The following RABGAP1L variants were observed in gnomAD, a reference collection of about 807,000 sequenced individuals.
The protein encoded by RABGAP1L is RAB GTPase activating protein 1 like.
RABGAP1L carries 63 observed loss-of-function variants against 137.7 expected under a neutral mutation model. The observed-to-expected ratio is 0.46, with a 90% CI of 0.37 to 0.56. The LOEUF (loss-of-function observed/expected upper bound fraction) is 0.56. Ranked by LOEUF, RABGAP1L falls within the 20% of genes least tolerant of loss-of-function variation. RABGAP1L has a pLI of 0.00. For missense variants in RABGAP1L, 1,095 were observed against 1,244.0 expected (o/e 0.88, Z 1.80); for synonymous variants, 431 against 433.7 (o/e 0.99, Z 0.08).
At chr1:174,835,332 A>C (rs1050714135) in intron 19 of RABGAP1L, among the ~76,000 whole-genome samples, 1 of 152,190 alleles carries the variant, frequency 6.6e-6, no homozygotes, top group Non-Finnish European at 1.5e-5. Context: ...AGAGGTTTTT[A>C]AAATATTCTT....
chr1:174,905,832 CAG>C (rs1474229993), intron 19 of RABGAP1L, among the ~76,000 whole-genome samples: 1 of 151,218 alleles, frequency 6.6e-6, no homozygotes, highest in East Asian at 1.9e-4. Flanking sequence ...GCCTGGGTAA[CAG>C]AGTGAGACTC....
chr1:174,705,377 C>T (rs1185263338), intron 17 of RABGAP1L: 2 of 152,074 alleles, frequency 1.3e-5, no homozygotes, highest in Non-Finnish European at 2.9e-5. Flanking sequence ...AACATTTGTG[C>T]TACAGAAAAG....
chr1:174,263,109 C>G (rs1034720669), intron 7 of RABGAP1L, among the ~76,000 whole-genome samples: 1 of 152,216 alleles, frequency 6.6e-6, no homozygotes, highest in African/African-American at 2.4e-5. Context: ...CTGTGTGCCC[C>G]AGGCCTCGTA....
At chr1:174,353,027 C>T (rs139266221) in intron 11 of RABGAP1L, among the ~76,000 whole-genome samples, 2 of 152,284 alleles carry the variant, frequency 1.3e-5, no homozygotes, top group African/African-American at 4.8e-5. Flanking sequence ...TTTATCAGAC[C>T]TGAAGCCAGC....
intron 11 of RABGAP1L, among the ~76,000 whole-genome samples, chr1:174,354,802 T>C (rs999365568): frequency 6.6e-6 from 1 of 152,232 alleles, no homozygotes; most frequent in Admixed American, 6.5e-5. Context: ...AGGTCTAACA[T>C]GTAAGTCTTT....
chr1:174,486,519 C>T (rs1314112759), intron 13 of RABGAP1L, among the ~76,000 whole-genome samples: 1 of 151,418 alleles, frequency 6.6e-6, no homozygotes, highest in Admixed American at 6.6e-5. Context: ...GCTAATTTTT[C>T]GTATTTTTAG....
chr1:174,972,614 A>G (rs1224934633), intron 21 of RABGAP1L, among the ~76,000 whole-genome samples: 1 of 152,034 alleles, frequency 6.6e-6, no homozygotes, highest in Non-Finnish European at 1.5e-5. Flanking sequence ...GCACTTTGGG[A>G]GGCCGAGGCA....
chr1:174,450,393 T>C (rs1249663413), intron 13 of RABGAP1L, among the ~76,000 whole-genome samples: 3 of 152,200 alleles, frequency 2.0e-5, no homozygotes, highest in Admixed American at 1.3e-4. Flanking sequence ...CCTAACGTTT[T>C]CTTAGCAAAA....
intron 14 of RABGAP1L, among the ~76,000 whole-genome samples, chr1:174,679,861 G>A (rs467437): frequency 0.37 from 56,099 of 152,040 alleles, 13,567 homozygotes; most frequent in African/African-American, 0.69. Flanking sequence ...AAGGAATCTA[G>A]AATAAACTCT....
intron 14 of RABGAP1L, among the ~76,000 whole-genome samples, chr1:174,657,697 T>A (rs547701963): frequency 6.6e-6 from 1 of 152,196 alleles, no homozygotes; most frequent in Non-Finnish European, 1.5e-5. Flanking sequence ...CTGCAGTGAA[T>A]AAAGGAGTGC....
chr1:174,285,827 T>TGAATCTATTGAGATTCA (rs1252400654), intron 10 of RABGAP1L, among the ~76,000 whole-genome samples: 1 of 152,204 alleles, frequency 6.6e-6, no homozygotes, highest in Non-Finnish European at 1.5e-5. Flanking sequence ...TGTCTTTTTC[T>TGAATCTATTGAGATTCA]GAATCTATTG....
intron 18 of RABGAP1L, among the ~76,000 whole-genome samples, chr1:174,798,534 A>T (rs987092497): frequency 2.0e-5 from 3 of 152,182 alleles, no homozygotes; most frequent in Non-Finnish European, 2.9e-5. Context: ...TTTTTCTGAG[A>T]TTTTGGAAAA....
At chr1:174,183,756 C>T (rs547589315) in intron 1 of RABGAP1L, among the ~76,000 whole-genome samples, 2 of 152,198 alleles carry the variant, frequency 1.3e-5, no homozygotes, top group African/African-American at 4.8e-5. Flanking sequence ...AAAATCCTGT[C>T]TTCAGCCTAT....
chr1:174,611,786 G>A (rs1042440100), intron 13 of RABGAP1L, among the ~76,000 whole-genome samples: 2 of 152,102 alleles, frequency 1.3e-5, no homozygotes, highest in Non-Finnish European at 2.9e-5. Flanking sequence ...CTTTTAAGTT[G>A]GATTCCCAGG....
At chr1:174,563,878 T>A (rs192905303) in intron 13 of RABGAP1L, among the ~76,000 whole-genome samples, 15 of 152,282 alleles carry the variant, frequency 9.9e-5, no homozygotes, top group African/African-American at 3.4e-4. Flanking sequence ...AGCCAGAGAT[T>A]AAAGTCACAG....
intron 18 of RABGAP1L, among the ~76,000 whole-genome samples, chr1:174,789,069 A>G (rs1687664477): frequency 6.6e-6 from 1 of 152,130 alleles, no homozygotes; most frequent in South Asian, 2.1e-4. Flanking sequence ...GTTACATAAC[A>G]TGTATTATCC....
chr1:174,386,530 G>A (rs1686795875), intron 12 of RABGAP1L, among the ~76,000 whole-genome samples: 2 of 150,408 alleles, frequency 1.3e-5, no homozygotes, highest in African/African-American at 4.9e-5. Context: ...TTTTTGAGAT[G>A]GAGTTTCACT....
chr1:174,628,260 G>C (rs1179765860), intron 13 of RABGAP1L, among the ~76,000 whole-genome samples: 1 of 152,138 alleles, frequency 6.6e-6, no homozygotes, highest in East Asian at 1.9e-4. Flanking sequence ...CAGAGTGTGT[G>C]TGCATTAATC....
At chr1:174,306,111 T>G (rs1273768772) in intron 11 of RABGAP1L, among the ~76,000 whole-genome samples, 1 of 152,224 alleles carries the variant, frequency 6.6e-6, no homozygotes, top group Non-Finnish European at 1.5e-5. Flanking sequence ...TTTTTATGGC[T>G]GCATAGTATT....
Sources: allele counts gnomAD v4.1 joint callset (sites outside exome capture counted in the v4.1 genomes callset), GRCh38; gene constraint gnomAD v4.1.1; transcripts MANE v1.5; gene names NCBI Gene and HGNC (gene_info 2026-07-23, HGNC 2026-07-21).